AGPS: variants seen among roughly 807,000 people sequenced by gnomAD.
AGPS encodes alkylglycerone phosphate synthase, also known as alkyldihydroxyacetonephosphate synthase, peroxisomal.
Under a neutral mutation model 90.7 loss-of-function variants are expected in AGPS, and 26 were observed. That is an observed-to-expected ratio of 0.29 (90% confidence interval 0.21 to 0.40). The LOEUF (loss-of-function observed/expected upper bound fraction) is 0.40, where lower values mean the gene tolerates loss of function less well. AGPS is among the 10% of genes least tolerant of loss of function. AGPS has a pLI of 1.00. For missense variants in AGPS, 540 were observed against 816.1 expected, an observed-to-expected ratio of 0.66 and a Z score of 4.12; for synonymous variants, 294 against 285.3, an observed-to-expected ratio of 1.03 and a Z score of -0.31.
intron 8 of AGPS, among the ~76,000 whole-genome samples, chr2:177,453,282 T>C (rs1038395919): frequency 2.0e-5 from 3 of 150,792 alleles, no homozygotes; most frequent in African/African-American, 4.9e-5. Flanking sequence ...TTTTTTTTTT[T>C]CTTTGAGACA....
chr2:177,397,158 C>T lies in AGPS; in HGVS notation c.260+4109C>T, dbSNP rs1333073308. Among the ~76,000 whole-genome samples the T allele has an allele frequency of 7.9e-5, 12 of 152,024 alleles. No homozygotes were observed. The South Asian group carries it at 1.9e-3, about 24-fold the overall frequency. The stretch of plus-strand genomic sequence containing the variant: ...TTCACCATCTTGGCCAGGCTGGTCT[C>T]GAACCCCTGACCTAGTGATCCACCC... On this transcript the variant is annotated intron_variant, in intron 1 of 19. Transcript: ENST00000264167.
intron 16 of AGPS, among the ~76,000 whole-genome samples, chr2:177,509,496 C>T (rs1688807319): frequency 6.6e-6 from 1 of 151,986 alleles, no homozygotes; most frequent in Non-Finnish European, 1.5e-5. Context: ...GAAACCTCGT[C>T]TCTACTGAAA....
At chr2:177,412,250 G>A (rs1192135130) in intron 1 of AGPS, among the ~76,000 whole-genome samples, 1 of 152,194 alleles carries the variant, frequency 6.6e-6, no homozygotes, top group African/African-American at 2.4e-5. Context: ...GTCATGGTCA[G>A]GACCCAGGAG....
At chr2:177,430,136 C>G (rs1686196674) in intron 2 of AGPS, among the ~76,000 whole-genome samples, 1 of 152,220 alleles carries the variant, frequency 6.6e-6, no homozygotes, top group Non-Finnish European at 1.5e-5. Flanking sequence ...ACCTGGACTG[C>G]CTGGAGCTGG....
intron 11 of AGPS, among the ~76,000 whole-genome samples, chr2:177,489,578 A>G (rs1442950389): frequency 2.0e-5 from 3 of 152,200 alleles, no homozygotes; most frequent in Non-Finnish European, 4.4e-5. Context: ...TCTTGTATCC[A>G]TGTTGTGAAG....
At chr2:177,503,612 T>C (rs577076997) in intron 14 of AGPS, among the ~76,000 whole-genome samples, 2 of 152,310 alleles carry the variant, frequency 1.3e-5, no homozygotes, top group Non-Finnish European at 2.9e-5. Flanking sequence ...TGCAGTCATT[T>C]TGGAGTGATT....
At chr2:177,393,907 AAAT>A (rs1286762031) in intron 1 of AGPS, among the ~76,000 whole-genome samples, 2 of 152,176 alleles carry the variant, frequency 1.3e-5, no homozygotes, top group Non-Finnish European at 2.9e-5. Flanking sequence ...AGAGTGAAAA[AAAT>A]AAGTAGCTAA....
intron 8 of AGPS, among the ~76,000 whole-genome samples, chr2:177,452,582 T>C (rs1686983138): frequency 6.6e-6 from 1 of 152,048 alleles, no homozygotes; most frequent in Admixed American, 6.6e-5. Flanking sequence ...AATGTTTTTC[T>C]TATAGGCAGC....
In AGPS at chr2:177,448,079, AT is replaced by A. The variant is rs912730032; in HGVS notation, c.870+2464del. 1.4e-4 allele frequency among the ~76,000 whole-genome samples: 21 copies of A among 148,576 alleles called. No homozygotes were observed. In the East Asian group the frequency reaches 2.7e-3, roughly 19 times the overall value. ...AATAGTCTGAGGTTATCTGACTCGA[AT>A]TTTTTTTTTTCTGCTTAGGCACATC... On this transcript the variant is annotated intron_variant, in intron 8 of 19. Transcript: ENST00000264167.
chr2:177,470,330 T>G (rs1006010599), intron 10 of AGPS, among the ~76,000 whole-genome samples: 2 of 152,214 alleles, frequency 1.3e-5, no homozygotes, highest in African/African-American at 4.8e-5. Flanking sequence ...TCTAAAAGAC[T>G]GGGCTACCTC....
At chr2:177,492,706 T>C (rs901971759) in intron 11 of AGPS, among the ~76,000 whole-genome samples, 1 of 152,206 alleles carries the variant, frequency 6.6e-6, no homozygotes, top group South Asian at 2.1e-4. Context: ...AAAGTCAGAA[T>C]GTCTTCATCT....
chr2:177,446,516 T>C (rs921193019), intron 8 of AGPS, among the ~76,000 whole-genome samples: 2 of 152,104 alleles, frequency 1.3e-5, no homozygotes, highest in African/African-American at 4.8e-5. Context: ...ACATGTCTTC[T>C]TGGTATTTGT....
At chr2:177,525,088 C>T (rs1181862902) in intron 19 of AGPS, among the ~76,000 whole-genome samples, 5 of 152,104 alleles carry the variant, frequency 3.3e-5, no homozygotes, top group Admixed American at 2.0e-4. Flanking sequence ...TGGTGGTTCT[C>T]ATGAATGCTA....
At chr2:177,517,363 C>T (rs963303985) in intron 17 of AGPS, among the ~76,000 whole-genome samples, 3 of 151,950 alleles carry the variant, frequency 2.0e-5, no homozygotes, top group African/African-American at 7.3e-5. Context: ...ATTTGTTTTC[C>T]AAAGGCTTAC....
At chr2:177,447,930 G>A (rs78402577) in intron 8 of AGPS, among the ~76,000 whole-genome samples, 5,395 of 152,056 alleles carry the variant, frequency 0.035, 209 homozygotes, top group African/African-American at 0.098. Flanking sequence ...GATTTTAATC[G>A]CTTTAACTTG....
intron 8 of AGPS, among the ~76,000 whole-genome samples, chr2:177,452,706 C>T (rs912380477): frequency 4.6e-5 from 7 of 151,998 alleles, no homozygotes; most frequent in African/African-American, 1.4e-4. Flanking sequence ...AATCTGTCAT[C>T]TTGCTATTCA....
chr2:177,496,096 A>G (rs547344267), intron 12 of AGPS, among the ~76,000 whole-genome samples: 29 of 152,174 alleles, frequency 1.9e-4, no homozygotes, highest in Non-Finnish European at 4.1e-4. Flanking sequence ...CAAAGCTATC[A>G]TGTCACCTTA....
At chr2:177,421,964 T>C (rs762134481) in intron 2 of AGPS, among the ~76,000 whole-genome samples, 3 of 152,102 alleles carry the variant, frequency 2.0e-5, no homozygotes, top group Non-Finnish European at 4.4e-5. Context: ...TACAGTACTG[T>C]AGGCCATGTA....
chr2:177,537,790 G>A (rs1442067448), intron 19 of AGPS, among the ~76,000 whole-genome samples: 3 of 151,960 alleles, frequency 2.0e-5, no homozygotes, highest in Non-Finnish European at 2.9e-5. Flanking sequence ...TTCTCATTTT[G>A]TTATTTGTAA....
Sources: gnomAD v4.1 joint callset for allele counts (sites outside exome capture counted in the v4.1 genomes callset) on GRCh38, gnomAD v4.1.1 for gene constraint, MANE v1.5 for transcripts, NCBI Gene and HGNC (gene_info 2026-07-23, HGNC 2026-07-21) for gene names.